SH3D19: variants seen among roughly 807,000 people sequenced by gnomAD.
The protein encoded by SH3D19 is SH3 domain-containing protein 19.
A neutral mutation model predicts 112.1 loss-of-function variants in SH3D19; 58 were observed. That is an observed-to-expected ratio of 0.52 (90% CI 0.42 to 0.64). The LOEUF (loss-of-function observed/expected upper bound fraction) is 0.64. Among genes scored for constraint, SH3D19 ranks in the 30% least tolerant of loss-of-function variants. The pLI, the probability that SH3D19 is intolerant of heterozygous loss-of-function variation, is 0.00. For missense variants in SH3D19, 1,090 were observed against 1,263.4 expected (o/e 0.86, Z 2.08); for synonymous variants, 391 against 448.5 (o/e 0.87, Z 1.62).
Position 151,175,506 on chromosome 4 carries a change from T to A in SH3D19, c.698A>T (p.Asn233Ile). 7.1e-7 allele frequency: 1 copy of A among 1,413,962 alleles called. No homozygotes were observed. Among genetic ancestry groups the A allele is most frequent in the Non-Finnish European group, 9.2e-7 (1 of 1,088,324 alleles). The allele number at this position is 1,413,962 out of a possible 1,614,324, so 87.6% of individuals were successfully genotyped here. ...AGAATCTCTGGGTATTGGTCTGAGG[T>A]TGCTTTTTGATCTTGGTTTTGGCAC... ...CPVPKPRSKS[N>I]LRPIPRDSHI... Residue 233 changes from asparagine to isoleucine, a missense_variant, in exon 7 of 20, where the codon AAC becomes ATC. Asn to Ile is a moderately radical substitution (Grantham distance 149). Coordinates refer to ENST00000604030, the MANE Select transcript of SH3D19 (RefSeq NM_001378122.1).
chr4:151,269,956 T>C (rs777789890), intron 1 of SH3D19, among the ~76,000 whole-genome samples: 2 of 152,116 alleles, frequency 1.3e-5, no homozygotes, highest in African/African-American at 2.4e-5. Flanking sequence ...CACTGGAAGG[T>C]GTTCAGGGGC....
intron 1 of SH3D19, among the ~76,000 whole-genome samples, chr4:151,293,748 G>A (rs1439637932): frequency 6.6e-6 from 1 of 152,156 alleles, no homozygotes; most frequent in Admixed American, 6.5e-5. Context: ...CACAGAGTAA[G>A]GACAAAATCC....
At chr4:151,197,923 C>G (rs1297303252) in intron 2 of SH3D19, among the ~76,000 whole-genome samples, 1 of 151,954 alleles carries the variant, frequency 6.6e-6, no homozygotes, top group Non-Finnish European at 1.5e-5. Context: ...TTTTAAAAAG[C>G]AAAATTTGAA....
chr4:151,223,124 G>A (rs1227371619), intron 2 of SH3D19, among the ~76,000 whole-genome samples: 2 of 147,402 alleles, frequency 1.4e-5, no homozygotes, highest in East Asian at 2.1e-4. Flanking sequence ...CCATTGAAAT[G>A]GTAAATTTTC....
intron 1 of SH3D19, among the ~76,000 whole-genome samples, chr4:151,316,613 G>A (rs1730008396): frequency 6.7e-6 from 1 of 149,758 alleles, no homozygotes; most frequent in Admixed American, 6.7e-5. Flanking sequence ...TTTTTCCCTT[G>A]GTATAACTTG....
At chr4:151,227,725 T>G in intron 1 of SH3D19, 1 of 984,344 alleles carries the variant, frequency 1.0e-6, no homozygotes, top group Non-Finnish European at 1.2e-6. Context: ...GAATACAGAT[T>G]AGCTATCCTC....
intron 1 of SH3D19, chr4:151,266,360 G>A (rs148607687): frequency 1.1e-4 from 16 of 152,294 alleles, no homozygotes; most frequent in African/African-American, 3.6e-4. Context: ...AACATGTTCT[G>A]TTATAGAAAA....
chr4:151,322,897 T>C (rs1314274001), intron 1 of SH3D19, among the ~76,000 whole-genome samples: 1 of 152,080 alleles, frequency 6.6e-6, no homozygotes, highest in Non-Finnish European at 1.5e-5. Context: ...CAATATTTTA[T>C]AGAGATGCAT....
chr4:151,132,388 A>C lies in SH3D19; in HGVS notation c.2690-5T>G. ...TTTTCAGTGGTACCTTTGTGCCTACATTAAAAAAACAAACAAACACAAGAA... is the reference window on the plus strand; with the variant it reads ...TTTTCAGTGGTACCTTTGTGCCTACCTTAAAAAAACAAACAAACACAAGAA... On this transcript the variant is annotated splice_polypyrimidine_tract_variant and splice_region_variant and intron_variant, in intron 16 of 19. Coordinates refer to ENST00000604030, the MANE Select transcript of SH3D19 (RefSeq NM_001378122.1). 6.2e-7 allele frequency: 1 copy of C among 1,613,416 alleles called. No individual in the cohort carries two copies. Among genetic ancestry groups the C allele is most frequent in the South Asian group, 1.1e-5 (1 of 90,950 alleles).
chr4:151,134,157 A>G (rs1423047189), intron 15 of SH3D19, among the ~76,000 whole-genome samples: 3 of 152,236 alleles, frequency 2.0e-5, no homozygotes, highest in Non-Finnish European at 2.9e-5. Flanking sequence ...TCTGAAATAG[A>G]ATTCAACTAT....
chr4:151,239,035 A>G (rs969218432), intron 1 of SH3D19, among the ~76,000 whole-genome samples: 2 of 152,180 alleles, frequency 1.3e-5, no homozygotes, highest in African/African-American at 4.8e-5. Flanking sequence ...CTGATTTTTC[A>G]CAGTTCTAAA....
At chr4:151,231,770 C>T (rs1769628206) in intron 1 of SH3D19, among the ~76,000 whole-genome samples, 1 of 152,092 alleles carries the variant, frequency 6.6e-6, no homozygotes, top group Middle Eastern at 3.2e-3. Context: ...ACAGCACTAT[C>T]AATAGTGACA....
chr4:151,323,312 T>C lies in SH3D19; in HGVS notation c.112+1929A>G, dbSNP rs763802891. 3.2e-4 allele frequency among the ~76,000 whole-genome samples: 49 copies of C among 152,170 alleles called. 1 individual carries two copies. The highest frequency in any genetic ancestry group is 3.4e-3 in the Middle Eastern group (1 of 294). On this transcript the variant is annotated intron_variant, in intron 1 of 19. Coordinates refer to ENST00000604030, the MANE Select transcript of SH3D19 (RefSeq NM_001378122.1). ...GAGGGAGCACTGAGAACAGGAAAAG[T>C]GAAAAACTGAAAAGGTGATGCAGAA...
At chr4:151,260,976 T>A (rs1772333103) in intron 1 of SH3D19, 1 of 152,218 alleles carries the variant, frequency 6.6e-6, no homozygotes, top group South Asian at 2.1e-4. Context: ...GTTTTCTTCA[T>A]AACATTTATC....
At chr4:151,145,027 A>G (rs891396342) in intron 11 of SH3D19, among the ~76,000 whole-genome samples, 1 of 152,188 alleles carries the variant, frequency 6.6e-6, no homozygotes, top group African/African-American at 2.4e-5. Flanking sequence ...TCCACAGTGC[A>G]AGGATGTGGC....
In SH3D19 at chr4:151,176,564, A is replaced by C; in HGVS notation, c.499T>G (p.Ser167Ala). ...GGCAGATCGTTGTCTATTTCTTCTG[A>C]AAAGTCAGTCTGAGTTGCAGAAGTA... ...TITSATQTDF[S>A]EEIDNDLPQT... Residue 167 changes from serine to alanine, a missense_variant, in exon 6 of 20, where the codon TCA becomes GCA. Transcript: ENST00000604030. The C allele has an allele frequency of 8.1e-7, 1 of 1,232,178 alleles. No homozygotes were observed. Among genetic ancestry groups the C allele is most frequent in the Non-Finnish European group, 1.0e-6 (1 of 987,968 alleles). 76.3% of individuals were successfully genotyped at this position (1,232,178 alleles called of 1,614,324 possible).
intron 1 of SH3D19, among the ~76,000 whole-genome samples, chr4:151,237,559 C>T (rs1405221360): frequency 6.6e-6 from 1 of 151,948 alleles, no homozygotes; most frequent in Admixed American, 6.6e-5. Flanking sequence ...TACTTATTAC[C>T]TGAAGGACCA....
intron 1 of SH3D19, among the ~76,000 whole-genome samples, chr4:151,241,699 T>C (rs1338598554): frequency 6.6e-6 from 1 of 151,802 alleles, no homozygotes; most frequent in Non-Finnish European, 1.5e-5. Flanking sequence ...CCAGCTAAAT[T>C]GTACACTTTA....
chr4:151,282,788 G>A (rs537528501), intron 1 of SH3D19, among the ~76,000 whole-genome samples: 2 of 152,126 alleles, frequency 1.3e-5, no homozygotes, highest in South Asian at 2.1e-4. Flanking sequence ...GACAAGAACT[G>A]ATCTAGAAGC....
Sources: gnomAD v4.1 joint callset for allele counts (sites outside exome capture counted in the v4.1 genomes callset) on GRCh38, gnomAD v4.1.1 for gene constraint, MANE v1.5 for transcripts, NCBI Gene and HGNC (gene_info 2026-07-23, HGNC 2026-07-21) for gene names.